GPC6: variants seen among roughly 807,000 people sequenced by gnomAD.
GPC6 encodes the protein glypican-6.
GPC6 carries 14 observed loss-of-function variants against 55.2 expected under a neutral mutation model. The observed-to-expected ratio is 0.25, with a 90% CI of 0.17 to 0.40. The LOEUF (loss-of-function observed/expected upper bound fraction) is 0.40, where lower values mean the gene tolerates loss of function less well. Among genes scored for constraint, GPC6 ranks in the 10% least tolerant of loss-of-function variants. GPC6 has a pLI of 1.00. For missense variants in GPC6, 641 were observed against 708.5 expected (o/e 0.90, Z 1.08); for synonymous variants, 278 against 259.6 (o/e 1.07, Z -0.68).
At chr13:93,733,561 C>T (rs1883899851) in intron 2 of GPC6, among the ~76,000 whole-genome samples, 1 of 151,080 alleles carries the variant, frequency 6.6e-6, no homozygotes, top group Non-Finnish European at 1.5e-5. Flanking sequence ...TCCTCTATCA[C>T]ACTTGAAATT....
chr13:94,209,850 T>A (rs1890021521), intron 4 of GPC6, among the ~76,000 whole-genome samples: 1 of 151,966 alleles, frequency 6.6e-6, no homozygotes, highest in African/African-American at 2.4e-5. Flanking sequence ...AATTAATTAA[T>A]TTATTTATTT....
intron 1 of GPC6, among the ~76,000 whole-genome samples, chr13:93,405,600 A>G (rs920662707): frequency 6.6e-6 from 1 of 152,022 alleles, no homozygotes; most frequent in African/African-American, 2.4e-5. Context: ...ATTTGATTCT[A>G]TGCTTGAATC....
intron 2 of GPC6, among the ~76,000 whole-genome samples, chr13:93,593,312 C>A (rs1202417340): frequency 6.6e-6 from 1 of 151,940 alleles, no homozygotes; most frequent in East Asian, 1.9e-4. Flanking sequence ...AAAAATGCAT[C>A]CAGAATCCAG....
intron 2 of GPC6, among the ~76,000 whole-genome samples, chr13:93,692,882 A>G (rs1882307344): frequency 6.6e-6 from 1 of 152,132 alleles, no homozygotes; most frequent in Non-Finnish European, 1.5e-5. Flanking sequence ...AAAGTACTCT[A>G]TCATTTACTT....
intron 1 of GPC6, among the ~76,000 whole-genome samples, chr13:93,374,849 C>A (rs1566323986): frequency 6.6e-6 from 1 of 152,054 alleles, no homozygotes; most frequent in African/African-American, 2.4e-5. Flanking sequence ...AAATTCAGAC[C>A]AAATTTCAGT....
intron 2 of GPC6, among the ~76,000 whole-genome samples, chr13:93,769,552 C>T (rs1188548450): frequency 6.6e-6 from 1 of 152,150 alleles, no homozygotes; most frequent in Non-Finnish European, 1.5e-5. Flanking sequence ...GCACTGCTTT[C>T]CTCTTGCACT....
At position 93,536,092 on chromosome 13, in the gene GPC6, G is replaced by A. The variant is rs117018902; in HGVS notation, c.161-9171G>A. Among the ~76,000 whole-genome samples, 1,503 of 152,200 alleles carry A rather than the reference G, an allele frequency of 9.9e-3. 15 individuals are homozygous for A. The highest frequency in any genetic ancestry group is 0.016 in the Non-Finnish European group (1,057 of 68,016). On this transcript the variant is annotated intron_variant, in intron 1 of 8. Transcript: ENST00000377047. The stretch of plus-strand genomic sequence containing the variant: ...TTTCCCCTGGGTGGTGTGGGAACAC[G>A]GGACTAGCATCCCAGATCAAGGAAT...
chr13:93,876,179 T>C (rs1889288186), intron 3 of GPC6, among the ~76,000 whole-genome samples: 1 of 151,330 alleles, frequency 6.6e-6, no homozygotes, highest in Non-Finnish European at 1.5e-5. Flanking sequence ...TTTTTGTGCA[T>C]TGCTTCATAT....
intron 3 of GPC6, among the ~76,000 whole-genome samples, chr13:93,885,707 T>C (rs1875281991): frequency 6.6e-6 from 1 of 152,174 alleles, no homozygotes; most frequent in Non-Finnish European, 1.5e-5. Context: ...AAAGAACTGG[T>C]TTACATGCCA....
chr13:93,352,569 GGCATAGGTA>G (rs1178189305), intron 1 of GPC6, among the ~76,000 whole-genome samples: 3 of 152,056 alleles, frequency 2.0e-5, no homozygotes, highest in Non-Finnish European at 4.4e-5. Flanking sequence ...AATCATTCCA[GGCATAGGTA>G]GCATCCTATG....
chr13:94,054,569 G>T (rs545290562), intron 4 of GPC6, among the ~76,000 whole-genome samples: 1 of 152,252 alleles, frequency 6.6e-6, no homozygotes, highest in African/African-American at 2.4e-5. Flanking sequence ...CTGGCGGCCA[G>T]CTGCTGGCCT....
intron 6 of GPC6, among the ~76,000 whole-genome samples, chr13:94,311,945 A>G: frequency 6.6e-6 from 1 of 152,222 alleles, no homozygotes; most frequent in East Asian, 1.9e-4. Context: ...CAGTTAAGTC[A>G]GTAGTGTCTG....
Position 94,149,677 on chromosome 13 carries a change from A to C in GPC6, c.877+121783A>C, listed in dbSNP as rs185690394. On this transcript the variant is annotated intron_variant, in intron 4 of 8. Transcript: ENST00000377047. ...AGTCTGAGCCTCGATTTTTACTCAG[A>C]ATCCTAGAGAAAAATGCTTAGTCAG... Among the ~76,000 whole-genome samples the C allele has an allele frequency of 2.7e-3, 404 of 152,144 alleles. 2 individuals carry two copies. Among genetic ancestry groups the C allele is most frequent in the African/African-American group, 8.9e-3 (370 of 41,520 alleles).
At chr13:94,401,020 A>T (rs1217914074) in intron 8 of GPC6, among the ~76,000 whole-genome samples, 1 of 152,172 alleles carries the variant, frequency 6.6e-6, no homozygotes, top group East Asian at 1.9e-4. Flanking sequence ...TCCATCAGGC[A>T]TCATTGGCAG....
chr13:93,677,987 G>T (rs937857934), intron 2 of GPC6, among the ~76,000 whole-genome samples: 2 of 151,924 alleles, frequency 1.3e-5, no homozygotes, highest in Non-Finnish European at 2.9e-5. Context: ...ATACTAAAAG[G>T]TATAAAGAGA....
At chr13:94,085,766 C>A (rs1371329295) in intron 4 of GPC6, among the ~76,000 whole-genome samples, 1 of 152,166 alleles carries the variant, frequency 6.6e-6, no homozygotes, top group African/African-American at 2.4e-5. Flanking sequence ...CTGAGAGTTA[C>A]ATCTTTAACG....
At chr13:93,886,760 G>GTTTTTTTTTTTTTTT (rs34144264) in intron 3 of GPC6, among the ~76,000 whole-genome samples, 2 of 119,114 alleles carry the variant, frequency 1.7e-5, no homozygotes, top group African/African-American at 3.1e-5. Context: ...TTTTTTTTTT[G>GTTTTTTTTTTTTTTT]TTTTTTTTTT....
At chr13:93,952,547 T>C (rs910526658) in intron 3 of GPC6, among the ~76,000 whole-genome samples, 2 of 152,022 alleles carry the variant, frequency 1.3e-5, no homozygotes, top group African/African-American at 4.8e-5. Context: ...ATTTATCTTT[T>C]ATTTTTGAAC....
intron 4 of GPC6, among the ~76,000 whole-genome samples, chr13:94,237,087 T>C (rs1890901812): frequency 6.6e-6 from 1 of 152,106 alleles, no homozygotes; most frequent in African/African-American, 2.4e-5. Flanking sequence ...AAGTTAGTGG[T>C]TGGCTTTGCT....
Sources: allele counts gnomAD v4.1 joint callset (sites outside exome capture counted in the v4.1 genomes callset), GRCh38; gene constraint gnomAD v4.1.1; transcripts MANE v1.5; gene names NCBI Gene and HGNC (gene_info 2026-07-23, HGNC 2026-07-21).